LEMD2: variants seen among roughly 807,000 people sequenced by gnomAD.
LEMD2 encodes the protein LEM domain-containing protein 2.
In LEMD2, 34 loss-of-function variants were observed where a neutral mutation model predicts 58.8. The ratio of observed to expected loss-of-function variants is 0.58; its 90% CI spans 0.44 to 0.77. The LOEUF (loss-of-function observed/expected upper bound fraction) is 0.77, where lower values mean the gene tolerates loss of function less well. LEMD2 is among the 30% of genes least tolerant of loss of function. The pLI, the probability that LEMD2 is intolerant of heterozygous loss-of-function variation, is 0.00. For synonymous variants in LEMD2, 298 were observed against 308.9 expected, an observed-to-expected ratio of 0.96 and a Z score of 0.37; for missense variants, 629 against 717.9, an observed-to-expected ratio of 0.88 and a Z score of 1.42.
At position 33,772,576 on chromosome 6, in the gene LEMD2, G is replaced by A; in HGVS notation, c.*52C>T. 1 of 1,570,418 alleles carries A rather than the reference G, an allele frequency of 6.4e-7. No individual in the cohort carries two copies. Among genetic ancestry groups the A allele is most frequent in the African/African-American group, 1.3e-5 (1 of 74,282 alleles). On this transcript the variant is annotated 3_prime_UTR_variant, in exon 9 of 9. Transcript: ENST00000293760. ...GGCCTGGTGACCCTCCTGTGCCTCT[G>A]GAGTGGGCTGTCCTGGGACAGGCTG... is the stretch of plus-strand genomic sequence containing the variant.
chr6:33,779,229 C>A (rs910677721), intron 5 of LEMD2: 13 of 151,628 alleles, frequency 8.6e-5, no homozygotes, highest in African/African-American at 1.2e-4. Flanking sequence ...CCTTTTCTAA[C>A]ACAGGAAAAT....
Position 33,788,726 on chromosome 6 carries a change from G to T in LEMD2, c.391C>A (p.Arg131Ser), listed in dbSNP as rs1322544201. 3.5e-6 allele frequency: 5 copies of T among 1,425,316 alleles called. No homozygotes were observed. Among genetic ancestry groups the T allele is most frequent in the Non-Finnish European group, 4.6e-6 (5 of 1,090,438 alleles). The allele number at this position is 1,425,316 out of a possible 1,614,324, so 88.3% of individuals were successfully genotyped here. ...GAGCTGCCCCGGACCGAGGCGCGGC[G>T]CCTGAGTTGCGCCGGGCGGGCAGGA... ...AYPARPAQLRRRASVRGSSEE... is the reference protein window; with the variant it reads ...AYPARPAQLRSRASVRGSSEE... Residue 131 changes from arginine to serine, a missense_variant, in exon 1 of 9, where the codon CGC becomes AGC. Transcript: ENST00000293760.
chr6:33,772,739 G>A lies in LEMD2; in HGVS notation c.1401C>T (p.Phe467=), dbSNP rs1236874388. 1.9e-6 allele frequency: 3 copies of A among 1,613,814 alleles called. No homozygotes were observed. The highest frequency in any genetic ancestry group is 1.1e-5 in the South Asian group (1 of 91,076). The change falls in exon 9 of 9, where the codon TTC becomes TTT. Residue 467 remains phenylalanine (F), a synonymous_variant. Coordinates refer to ENST00000293760, the MANE Select transcript of LEMD2 (RefSeq NM_181336.4). ...MKRVWDRAVE[F]LASNESRIQT... ...GGATCCGGGATTCGTTGGAGGCCAG[G>A]AACTCCACAGCTCGGTCCCAGACAC...
chr6:33,781,662 C>T (rs1767567817), intron 3 of LEMD2: 1 of 154,030 alleles, frequency 6.5e-6, no homozygotes, highest in Non-Finnish European at 1.4e-5. Flanking sequence ...AGGGGCAGCT[C>T]CCCCGAGTGG....
At position 33,788,584 on chromosome 6, in the gene LEMD2, C is replaced by T. The variant is rs1345095287; in HGVS notation, c.533G>A (p.Gly178Asp). Reference protein sequence around the residue: ...APARLPSSLLGPDPRPGLRAT... With the variant: ...APARLPSSLLDPDPRPGLRAT... ...CCGCAGGCCCGGGCGCGGGTCGGGA[C>T]CGAGGAGGGAGGAAGGCAGCCGCGC... Residue 178 changes from glycine (G) to aspartate (D), a missense_variant, in exon 1 of 9, where the codon GGT (glycine) becomes GAT (aspartate). Around this residue, in one of 2 missense-constraint regions of LEMD2, gnomAD observed 386 missense variants for 381.1 expected, o/e 1.01. Transcript: ENST00000293760. The T allele has an allele frequency of 3.8e-6, 5 of 1,321,674 alleles. No individual in the cohort carries two copies. The highest frequency in any genetic ancestry group is 4.1e-5 in the Admixed American group (1 of 24,524). The allele number at this position is 1,321,674 out of a possible 1,614,324, so 81.9% of individuals were successfully genotyped here. A position where few individuals can be genotyped will look rare whatever the true frequency, so the allele number is the denominator to read the frequency against.
chr6:33,780,079 C>T (rs549319481), intron 5 of LEMD2, 21 bp downstream of exon 5: 103 of 1,565,384 alleles, frequency 6.6e-5, no homozygotes, highest in Non-Finnish European at 3.7e-5. Context: ...CATGCTGCGT[C>T]GCCACCCTGC....
rs949709102 is a variant in LEMD2 at position 33,789,117 on chromosome 6, G to A, written c.-1C>T. 11 of 1,518,228 alleles carry A rather than the reference G, an allele frequency of 7.2e-6. No homozygotes were observed. The highest frequency in any genetic ancestry group is 2.9e-5 in the African/African-American group (2 of 69,600). 94.0% of individuals were successfully genotyped at this position (1,518,228 alleles called of 1,614,324 possible). A position where few individuals can be genotyped will look rare whatever the true frequency, so the allele number is the denominator to read the frequency against. ...GTTCCAGGTCCGACAGGCCGGCCAT[G>A]GCCAGGACGCCGCCCCCCGCCCGCC... On this transcript the variant is annotated 5_prime_UTR_variant, in exon 1 of 9. Transcript: ENST00000293760.
chr6:33,775,604 T>C (rs1767412526), intron 8 of LEMD2, among the ~76,000 whole-genome samples: 1 of 152,224 alleles, frequency 6.6e-6, no homozygotes, highest in Non-Finnish European at 1.5e-5. Flanking sequence ...TGTGAGCCAC[T>C]GTGCCTGACT....
chr6:33,777,565 A>G (rs987955550), intron 6 of LEMD2, among the ~76,000 whole-genome samples: 2 of 152,126 alleles, frequency 1.3e-5, no homozygotes, highest in African/African-American at 4.8e-5. Context: ...ACATATATAC[A>G]TGCCGGGGCC....
In LEMD2 at chr6:33,777,133, C is replaced by A; in HGVS notation, c.1258+5G>T. On this transcript the variant is annotated splice_donor_5th_base_variant and intron_variant, in intron 7 of 8. Transcript: ENST00000293760. ...CAACCCTTTATTCACCAGGGGGCCA[C>A]GCACCTATAATCTTCTTCACCATCT... 3.1e-6 allele frequency: 5 copies of A among 1,613,360 alleles called. No homozygotes were observed. Among genetic ancestry groups the A allele is most frequent in the South Asian group, 1.1e-5 (1 of 91,072 alleles).
intron 8 of LEMD2, 178 bp downstream of exon 8, chr6:33,776,776 C>T (rs1276845293): frequency 6.4e-6 from 4 of 627,336 alleles, no homozygotes; most frequent in East Asian, 2.7e-5. Flanking sequence ...GCTCATCCTG[C>T]CATAAAGAGC....
rs1407301813 is a variant in LEMD2 at position 33,788,684 on chromosome 6, C to T, written c.433G>A (p.Ala145Thr). ...TGCGTGGCCCTGTCGGGCGTCCGGGCGTCCTCGTCCTCCTCGGAGCTGCCC... is the reference window on the plus strand; with the variant it reads ...TGCGTGGCCCTGTCGGGCGTCCGGGTGTCCTCGTCCTCCTCGGAGCTGCCC... ...VRGSSEEDED[A>T]RTPDRATQGP... The change falls in exon 1 of 9, where the codon GCC becomes ACC. Residue 145 changes from alanine to threonine, a missense_variant. Coordinates refer to ENST00000293760, the MANE Select transcript of LEMD2 (RefSeq NM_181336.4). 1 of 1,345,582 alleles carries T rather than the reference C, an allele frequency of 7.4e-7. No individual in the cohort carries two copies. The highest frequency in any genetic ancestry group is 9.5e-7 in the Non-Finnish European group (1 of 1,047,612). The allele number at this position is 1,345,582 out of a possible 1,614,324, so 83.4% of individuals were successfully genotyped here.
rs560888709 is a variant in LEMD2, at chr6:33,778,568, A to G, written c.1011-181T>C. 1.3e-5 allele frequency: 6 copies of G among 446,268 alleles called. No homozygotes were observed. The highest frequency in any genetic ancestry group is 1.0e-4 in the African/African-American group (5 of 50,022). The allele number at this position is 446,268 out of a possible 1,614,324, so 27.6% of individuals were successfully genotyped here. On this transcript the variant is annotated intron_variant, in intron 5 of 8. Transcript: ENST00000293760. This position sits in a 1 kb window ranked among gnomAD's most constrained non-coding sequence, Gnocchi z 4.7. The stretch of plus-strand genomic sequence containing the variant: ...AAATTTCCCACATTGGCTACTTAGA[A>G]TGAATAAAGCTTTAAAGACGGCAGC...
At position 33,787,765 on chromosome 6, in the gene LEMD2, T is replaced by C. The variant is rs186920152; in HGVS notation, c.736+616A>G. 1.2e-3 allele frequency among the ~76,000 whole-genome samples: 187 copies of C among 152,328 alleles called. 2 individuals are homozygous for C. Among genetic ancestry groups the C allele is most frequent in the Non-Finnish European group, 2.2e-3 (151 of 68,030 alleles). On this transcript the variant is annotated intron_variant, in intron 1 of 8. Coordinates refer to ENST00000293760, the MANE Select transcript of LEMD2 (RefSeq NM_181336.4). ...GATGGCTGTGAGCATCCTTGAGTCGTAGTCTCTCTCTTAACACACTCCATG... is the reference window on the plus strand; with the variant it reads ...GATGGCTGTGAGCATCCTTGAGTCGCAGTCTCTCTCTTAACACACTCCATG...
At chr6:33,772,907 G>A in intron 8 of LEMD2, 129 bp from the exon 9 acceptor site, 1 of 806,622 alleles carries the variant, frequency 1.2e-6, no homozygotes, top group Admixed American at 2.8e-5. Flanking sequence ...AAAGCTGGCA[G>A]GTACTAACAT....
chr6:33,780,233 A>G lies in LEMD2; in HGVS notation c.931-54T>C, dbSNP rs757321172. The G allele has an allele frequency of 5.6e-6, 8 of 1,422,508 alleles. No individual in the cohort carries two copies. In the South Asian group the frequency reaches 8.6e-5, roughly 15 times the overall value. 88.1% of individuals were successfully genotyped at this position (1,422,508 alleles called of 1,614,324 possible). On this transcript the variant is annotated intron_variant, in intron 4 of 8. Coordinates refer to ENST00000293760, the MANE Select transcript of LEMD2 (RefSeq NM_181336.4). ...TCGGCGTCTGGGCGGAGCAGCTGGAACATTATTCTGCTGCTGGATTAAGGA... is the reference window on the plus strand; with the variant it reads ...TCGGCGTCTGGGCGGAGCAGCTGGAGCATTATTCTGCTGCTGGATTAAGGA...
chr6:33,778,406 C>A lies in LEMD2; in HGVS notation c.1011-19G>T. 1 of 1,487,628 alleles carries A rather than the reference C, an allele frequency of 6.7e-7. No individual in the cohort carries two copies. Among genetic ancestry groups the A allele is most frequent in the Non-Finnish European group, 9.0e-7 (1 of 1,111,750 alleles). 92.2% of individuals were successfully genotyped at this position (1,487,628 alleles called of 1,614,324 possible). ...TTTCAACCTGAAACAGGACACAGGGCTCTGAACATGTTGGAAAGCTCCAAG... is the reference window on the plus strand; with the variant it reads ...TTTCAACCTGAAACAGGACACAGGGATCTGAACATGTTGGAAAGCTCCAAG... On this transcript the variant is annotated intron_variant, in intron 5 of 8. Transcript: ENST00000293760. The surrounding 1 kb of genome is among the most constrained non-coding windows in gnomAD (Gnocchi z 4.7).
intron 6 of LEMD2, among the ~76,000 whole-genome samples, chr6:33,777,570 G>A (rs892927861): frequency 3.9e-5 from 6 of 152,094 alleles, no homozygotes; most frequent in Non-Finnish European, 7.4e-5. Context: ...TATACATGCC[G>A]GGGCCCTTTG....
rs2127376262 is a variant in LEMD2, at chr6:33,771,697, C to T, written c.*931G>A. The stretch of plus-strand genomic sequence containing the variant: ...GCCGGCAGGGGGCAGCCTGCAGCCA[C>T]TGCGCCTCTCCCGCCGCCAAGAGCC... On this transcript the variant is annotated 3_prime_UTR_variant, in exon 9 of 9. Transcript: ENST00000293760. 6.6e-6 allele frequency: 1 copy of T among 152,368 alleles called. No individual in the cohort carries two copies. The highest frequency in any genetic ancestry group is 1.5e-5 in the Non-Finnish European group (1 of 68,040). The allele number at this position is 152,368 out of a possible 1,614,324, so 9.4% of individuals were successfully genotyped here. A position where few individuals can be genotyped will look rare whatever the true frequency, so the allele number is the denominator to read the frequency against.
Sources: allele counts gnomAD v4.1 joint callset (sites outside exome capture counted in the v4.1 genomes callset), GRCh38; gene constraint gnomAD v4.1.1; regional missense constraint gnomAD v4.1.1; non-coding constraint Gnocchi (gnomAD v3.1); transcripts MANE v1.5; gene names NCBI Gene and HGNC (gene_info 2026-07-23, HGNC 2026-07-21).